Variants in SNX9 observed in about 807,000 individuals in gnomAD.
SNX9 encodes sorting nexin 9, also known as sorting nexin-9.
SNX9 carries 44 observed loss-of-function variants against 89.4 expected under a neutral mutation model. The ratio of observed to expected loss-of-function variants is 0.49; its 90% confidence interval spans 0.39 to 0.63. The LOEUF (loss-of-function observed/expected upper bound fraction) is 0.63, where lower values mean the gene tolerates loss of function less well. Among genes scored for constraint, SNX9 ranks in the 30% least tolerant of loss-of-function variants. The pLI is 0.00. For missense variants in SNX9, 578 were observed against 736.1 expected (o/e 0.79, Z 2.49); for synonymous variants, 236 against 247.8 (o/e 0.95, Z 0.45).
In SNX9 at chr6:157,943,033, C is replaced by T. The variant is rs1379959815; in HGVS notation, c.*195C>T. 8.1e-6 allele frequency: 4 copies of T among 493,326 alleles called. No homozygotes were observed. The highest frequency in any genetic ancestry group is 7.0e-6 in the Non-Finnish European group (2 of 284,982). 30.6% of individuals were successfully genotyped at this position (493,326 alleles called of 1,614,324 possible). ...TTAGGGATGGTCTTTTGTTCATTTC[C>T]GCATCCATTATTTAAACCAGTGGAA... On this transcript the variant is annotated 3_prime_UTR_variant, in exon 18 of 18. Transcript: ENST00000392185.
intron 1 of SNX9, among the ~76,000 whole-genome samples, chr6:157,842,528 A>G (rs1781722898): frequency 6.6e-6 from 1 of 152,196 alleles, no homozygotes; most frequent in Non-Finnish European, 1.5e-5. Context: ...TTTGTTAGTC[A>G]GTCTCCCCGA....
At chr6:157,939,474 G>T (rs1262299372) in intron 16 of SNX9, among the ~76,000 whole-genome samples, 1 of 152,202 alleles carries the variant, frequency 6.6e-6, no homozygotes, top group Non-Finnish European at 1.5e-5. Flanking sequence ...GTTATGGAGG[G>T]GAGATTGGAA....
In SNX9 at chr6:157,823,521, G is replaced by C; in HGVS notation, c.12+75G>C. On this transcript the variant is annotated intron_variant, in intron 1 of 17. Coordinates refer to ENST00000392185, the MANE Select transcript of SNX9 (RefSeq NM_016224.5). This position sits in a 1 kb window ranked among gnomAD's most constrained non-coding sequence, Gnocchi z 4.6. The stretch of plus-strand genomic sequence containing the variant: ...CGCGGAGAGGGTCGGGGCCGGGGCC[G>C]CGGGGAGGGTCGGGGCCAGGGGTGG... 1 of 1,139,164 alleles carries C rather than the reference G, an allele frequency of 8.8e-7. No individual in the cohort carries two copies. The highest frequency in any genetic ancestry group is 1.1e-6 in the Non-Finnish European group (1 of 923,620). The allele number at this position is 1,139,164 out of a possible 1,614,324, so 70.6% of individuals were successfully genotyped here.
chr6:157,909,612 A>T, intron 7 of SNX9, 53 bp from the exon 8 acceptor site: 1 of 1,602,528 alleles, frequency 6.2e-7, no homozygotes, highest in Non-Finnish European at 8.5e-7. Flanking sequence ...CATCAATTGT[A>T]TTTATTATTT....
At chr6:157,825,861 C>T (rs1781333884) in intron 1 of SNX9, among the ~76,000 whole-genome samples, 1 of 152,076 alleles carries the variant, frequency 6.6e-6, no homozygotes, top group South Asian at 2.1e-4. Context: ...TGTGTTTTTT[C>T]TTTGTCTTCT....
At chr6:157,887,287 A>G (rs1362783692) in intron 4 of SNX9, among the ~76,000 whole-genome samples, 2 of 152,148 alleles carry the variant, frequency 1.3e-5, no homozygotes, top group African/African-American at 4.8e-5. Context: ...TGCCCCGTGA[A>G]TCATGAAGTT....
chr6:157,920,349 T>G (rs1387532820), intron 9 of SNX9, among the ~76,000 whole-genome samples: 1 of 152,202 alleles, frequency 6.6e-6, no homozygotes, highest in Non-Finnish European at 1.5e-5. Context: ...TTCATCTGTC[T>G]CTGAGATTGT....
intron 9 of SNX9, among the ~76,000 whole-genome samples, chr6:157,913,426 G>C (rs1317790175): frequency 2.2e-5 from 2 of 90,056 alleles, no homozygotes; most frequent in South Asian, 3.5e-4. Context: ...ATCCTCCCAC[G>C]TAGCTGGGAT....
At chr6:157,883,719 A>G (rs1438817539) in intron 4 of SNX9, among the ~76,000 whole-genome samples, 1 of 152,184 alleles carries the variant, frequency 6.6e-6, no homozygotes, top group Admixed American at 6.5e-5. Flanking sequence ...TCTTCTGAGA[A>G]TAACAGAGTG....
chr6:157,931,449 C>T (rs1562622694), intron 12 of SNX9, among the ~76,000 whole-genome samples: 1 of 152,144 alleles, frequency 6.6e-6, no homozygotes, highest in Non-Finnish European at 1.5e-5. Flanking sequence ...CAAACAGATG[C>T]TCCATTTAAG....
chr6:157,906,484 G>A (rs1181541028), intron 7 of SNX9, among the ~76,000 whole-genome samples: 8 of 152,116 alleles, frequency 5.3e-5, no homozygotes, highest in Non-Finnish European at 2.9e-5. Flanking sequence ...GTGTCTTGAA[G>A]TGTATTTTAC....
intron 1 of SNX9, among the ~76,000 whole-genome samples, chr6:157,832,457 C>T (rs1233151341): frequency 7.9e-5 from 12 of 152,208 alleles, no homozygotes; most frequent in Non-Finnish European, 1.8e-4. Flanking sequence ...GGCACAGTTC[C>T]TCAAGCCCAG....
intron 4 of SNX9, among the ~76,000 whole-genome samples, chr6:157,888,103 G>A (rs758623805): frequency 1.3e-5 from 2 of 152,210 alleles, no homozygotes; most frequent in African/African-American, 4.8e-5. Flanking sequence ...TCACAGCTGC[G>A]ATTGGTAGGA....
chr6:157,898,289 G>A (rs1783021529), intron 5 of SNX9, among the ~76,000 whole-genome samples: 1 of 152,220 alleles, frequency 6.6e-6, no homozygotes. Context: ...ACTTATCTGT[G>A]TGAAGTCACA....
chr6:157,874,141 G>A (rs1782472534), intron 3 of SNX9: 1 of 152,210 alleles, frequency 6.6e-6, no homozygotes, highest in African/African-American at 2.4e-5. Flanking sequence ...GAGATCTAAG[G>A]CCGTCCTTCT....
chr6:157,860,323 T>C (rs917789883), intron 1 of SNX9, among the ~76,000 whole-genome samples: 17 of 152,238 alleles, frequency 1.1e-4, no homozygotes, highest in African/African-American at 3.9e-4. Context: ...GGAGAATTGC[T>C]TGAGCCCAGG....
intron 1 of SNX9, among the ~76,000 whole-genome samples, chr6:157,862,540 G>A (rs2115130648): frequency 6.6e-6 from 1 of 152,260 alleles, no homozygotes; most frequent in South Asian, 2.1e-4. Flanking sequence ...AAGATGAGGA[G>A]CAACACTGTT....
chr6:157,839,737 G>A (rs1380194497), intron 1 of SNX9, among the ~76,000 whole-genome samples: 2 of 152,190 alleles, frequency 1.3e-5, no homozygotes, highest in Non-Finnish European at 2.9e-5. Flanking sequence ...TAGTGCCATG[G>A]CCTTGAAGGT....
chr6:157,850,070 A>G (rs999921424), intron 1 of SNX9, among the ~76,000 whole-genome samples: 1 of 152,204 alleles, frequency 6.6e-6, no homozygotes, highest in Non-Finnish European at 1.5e-5. Context: ...AGAAGGTGGA[A>G]AGGAAGGAAG....
Sources: gnomAD v4.1 joint callset for allele counts (sites outside exome capture counted in the v4.1 genomes callset) on GRCh38, gnomAD v4.1.1 for gene constraint, Gnocchi (gnomAD v3.1) non-coding constraint, MANE v1.5 for transcripts, NCBI Gene and HGNC (gene_info 2026-07-23, HGNC 2026-07-21) for gene names.